The following SNTG1 variants were observed in gnomAD, a reference collection of about 807,000 sequenced individuals.
SNTG1 encodes the protein syntrophin gamma 1, also known as gamma-1-syntrophin.
A neutral mutation model predicts 74.7 loss-of-function variants in SNTG1; 39 were observed. The observed-to-expected ratio is 0.52, with a 90% CI of 0.40 to 0.68. SNTG1 has a LOEUF of 0.68. SNTG1 is among the 30% of genes least tolerant of loss of function. The pLI is 0.00. For missense variants in SNTG1, 685 were observed against 609.5 expected, an observed-to-expected ratio of 1.12 and a Z score of -1.30; for synonymous variants, 254 against 217.1, an observed-to-expected ratio of 1.17 and a Z score of -1.49.
chr8:50,794,265 C>G lies in SNTG1; in HGVS notation c.*1436C>G, dbSNP rs1348472991. 6.6e-6 allele frequency: 1 copy of G among 150,618 alleles called. No individual in the cohort carries two copies. The highest frequency in any genetic ancestry group is 6.7e-5 in the Admixed American group (1 of 15,030). 9.3% of individuals were successfully genotyped at this position (150,618 alleles called of 1,614,324 possible). On this transcript the variant is annotated 3_prime_UTR_variant, in exon 19 of 19. Coordinates refer to ENST00000642720, the MANE Select transcript of SNTG1 (RefSeq NM_018967.5). ...TTTTAAAAATCACTCAAGAAGGAAA[C>G]AAAGTGATTTCTATAAAGGACAGAT... is the stretch of plus-strand genomic sequence containing the variant.
At chr8:50,262,223 T>A (rs755988066) in intron 2 of SNTG1, among the ~76,000 whole-genome samples, 1 of 152,160 alleles carries the variant, frequency 6.6e-6, no homozygotes, top group South Asian at 2.1e-4. Flanking sequence ...TGTAAATGTA[T>A]AACATTGAGT....
chr8:50,278,427 T>C (rs2088239938), intron 2 of SNTG1, among the ~76,000 whole-genome samples: 1 of 152,188 alleles, frequency 6.6e-6, no homozygotes, highest in African/African-American at 2.4e-5. Context: ...AAAAGTATAA[T>C]AATGATGCCT....
chr8:50,176,997 A>G (rs576509820), intron 2 of SNTG1, among the ~76,000 whole-genome samples: 7 of 152,268 alleles, frequency 4.6e-5, no homozygotes, highest in Admixed American at 1.3e-4. Flanking sequence ...CCGTGCAGGT[A>G]AAGGCCATTG....
chr8:50,365,845 A>C (rs1484428898), intron 2 of SNTG1, among the ~76,000 whole-genome samples: 1 of 152,114 alleles, frequency 6.6e-6, no homozygotes, highest in Admixed American at 6.6e-5. Context: ...TTAAAAGCTT[A>C]TTAGTCTGTA....
chr8:50,025,869 G>A (rs918373632), intron 1 of SNTG1, among the ~76,000 whole-genome samples: 12 of 152,134 alleles, frequency 7.9e-5, no homozygotes, highest in Non-Finnish European at 1.8e-4. Context: ...ACTGATTGTA[G>A]TGAAGAAAAT....
At chr8:50,711,511 G>A (rs952269047) in intron 17 of SNTG1, among the ~76,000 whole-genome samples, 3 of 152,132 alleles carry the variant, frequency 2.0e-5, no homozygotes, top group African/African-American at 4.8e-5. Context: ...AGCAAATAGT[G>A]TATTCTTAAT....
intron 8 of SNTG1, among the ~76,000 whole-genome samples, chr8:50,478,354 G>T (rs1355244900): frequency 2.0e-5 from 3 of 152,074 alleles, no homozygotes; most frequent in Non-Finnish European, 4.4e-5. Flanking sequence ...TATTTTTAAT[G>T]ACAGGTTTTT....
intron 13 of SNTG1, among the ~76,000 whole-genome samples, chr8:50,602,869 G>T (rs1387588918): frequency 1.3e-5 from 2 of 149,768 alleles, no homozygotes; most frequent in Non-Finnish European, 3.0e-5. Flanking sequence ...AAAGTCAGCT[G>T]CCAGATGTAT....
At chr8:49,923,648 T>TC (rs1174173449) in intron 1 of SNTG1, among the ~76,000 whole-genome samples, 17 of 151,994 alleles carry the variant, frequency 1.1e-4, no homozygotes, top group Admixed American at 1.1e-3. Context: ...CAGACTATAT[T>TC]ATAACTGCTC....
intron 2 of SNTG1, among the ~76,000 whole-genome samples, chr8:50,310,417 G>C (rs948935034): frequency 6.6e-6 from 1 of 152,140 alleles, no homozygotes; most frequent in Non-Finnish European, 1.5e-5. Flanking sequence ...GGCTGGGCTT[G>C]GTGGCTCACG....
intron 8 of SNTG1, among the ~76,000 whole-genome samples, chr8:50,488,013 C>T (rs181247929): frequency 1.3e-5 from 2 of 152,242 alleles, no homozygotes; most frequent in Admixed American, 6.5e-5. Context: ...AAAATATACA[C>T]AAGTAAGTAA....
intron 17 of SNTG1, among the ~76,000 whole-genome samples, chr8:50,710,301 G>A (rs1377849546): frequency 6.6e-6 from 1 of 152,058 alleles, no homozygotes; most frequent in Non-Finnish European, 1.5e-5. Flanking sequence ...ACTTTCAAAT[G>A]AGGCTGCCAT....
At chr8:50,072,281 A>C (rs1358039841) in intron 1 of SNTG1, among the ~76,000 whole-genome samples, 5 of 152,224 alleles carry the variant, frequency 3.3e-5, no homozygotes. Context: ...ATGAGAATAC[A>C]TATGAATGAC....
intron 1 of SNTG1, among the ~76,000 whole-genome samples, chr8:50,104,398 G>A (rs1017239101): frequency 2.7e-4 from 41 of 151,954 alleles, no homozygotes; most frequent in African/African-American, 6.5e-4. Flanking sequence ...CTGTGGGATC[G>A]GTGCTGATAT....
intron 1 of SNTG1, among the ~76,000 whole-genome samples, chr8:50,110,585 A>G (rs974621492): frequency 6.6e-6 from 1 of 152,208 alleles, no homozygotes; most frequent in Non-Finnish European, 1.5e-5. Flanking sequence ...CTGGAAGAGC[A>G]AGGGGCTAAA....
chr8:50,630,595 A>G (rs947931290), intron 13 of SNTG1, among the ~76,000 whole-genome samples: 1 of 152,208 alleles, frequency 6.6e-6, no homozygotes, highest in Non-Finnish European at 1.5e-5. Context: ...TATAAATACT[A>G]CAGAAACACA....
intron 2 of SNTG1, among the ~76,000 whole-genome samples, chr8:50,199,139 GTT>G (rs746077778): frequency 6.7e-6 from 1 of 148,474 alleles, no homozygotes; most frequent in African/African-American, 2.5e-5. Context: ...TCTTTGCAGT[GTT>G]TTTTTTTAAA....
chr8:50,083,356 TAA>T (rs992702203), intron 1 of SNTG1, among the ~76,000 whole-genome samples: 1 of 152,194 alleles, frequency 6.6e-6, no homozygotes, highest in Non-Finnish European at 1.5e-5. Context: ...TATAAAAAGC[TAA>T]AGAGACTTAG....
At chr8:50,104,087 G>C (rs1293035612) in intron 1 of SNTG1, among the ~76,000 whole-genome samples, 1 of 152,278 alleles carries the variant, frequency 6.6e-6, no homozygotes, top group Admixed American at 6.5e-5. Flanking sequence ...AAATGAGTTA[G>C]GGAGGAGTCC....
Sources: gnomAD v4.1 joint callset for allele counts (sites outside exome capture counted in the v4.1 genomes callset) on GRCh38, gnomAD v4.1.1 for gene constraint, MANE v1.5 for transcripts, NCBI Gene and HGNC (gene_info 2026-07-23, HGNC 2026-07-21) for gene names.